RFTN2: variants seen among roughly 807,000 people sequenced by gnomAD.
RFTN2 encodes raftlin-2.
Under a neutral mutation model 52.7 loss-of-function variants are expected in RFTN2, and 34 were observed. That is an observed-to-expected ratio of 0.64 (90% confidence interval 0.49 to 0.86). The LOEUF is 0.86. RFTN2 is among the 40% of genes least tolerant of loss of function. The probability of loss-of-function intolerance (pLI) is 0.00; values close to 1 mark genes in which losing one functional copy is unlikely to be tolerated. For missense variants in RFTN2, 536 were observed against 600.1 expected (o/e 0.89, Z 1.12); for synonymous variants, 203 against 217.7 (o/e 0.93, Z 0.59).
chr2:197,648,197 A>C (rs1353799783), intron 1 of RFTN2, among the ~76,000 whole-genome samples: 2 of 152,178 alleles, frequency 1.3e-5, no homozygotes, highest in Non-Finnish European at 2.9e-5. Context: ...CTCCCCTTAC[A>C]TCAGTATCCA....
At position 197,568,377 on chromosome 2, in the gene RFTN2, C is replaced by T. The variant is rs2087267379; in HGVS notation, c.*3631G>A. On this transcript the variant is annotated 3_prime_UTR_variant, in exon 9 of 9. Transcript: ENST00000295049. The stretch of plus-strand genomic sequence containing the variant: ...TATGAACCTCATCAAAACTGAGGCT[C>T]ATCATTTTACAGTTTTGCCTAATTT... 1 of 152,188 alleles carries T rather than the reference C, an allele frequency of 6.6e-6. No homozygotes were observed. Among genetic ancestry groups the T allele is most frequent in the Non-Finnish European group, 1.5e-5 (1 of 68,036 alleles). The allele number at this position is 152,188 out of a possible 1,614,324, so 9.4% of individuals were successfully genotyped here.
chr2:197,592,127 A>T (rs914304370), intron 8 of RFTN2, among the ~76,000 whole-genome samples: 1 of 152,194 alleles, frequency 6.6e-6, no homozygotes, highest in South Asian at 2.1e-4. Context: ...TCTCAATAAC[A>T]GTACTGTTCT....
chr2:197,663,488 C>T (rs1425991782), intron 1 of RFTN2, among the ~76,000 whole-genome samples: 4 of 152,150 alleles, frequency 2.6e-5, no homozygotes, highest in African/African-American at 9.7e-5. Flanking sequence ...CTTTTCATTA[C>T]TGATTTAATC....
At chr2:197,587,752 A>G (rs1244200413) in intron 8 of RFTN2, among the ~76,000 whole-genome samples, 1 of 152,212 alleles carries the variant, frequency 6.6e-6, no homozygotes. Flanking sequence ...ATACATCTTC[A>G]GCAATCATAT....
intron 3 of RFTN2, among the ~76,000 whole-genome samples, chr2:197,634,215 T>C (rs950781391): frequency 3.3e-5 from 5 of 152,086 alleles, no homozygotes; most frequent in African/African-American, 2.4e-5. Flanking sequence ...GAACCAAATA[T>C]ACTTTAGAAA....
In RFTN2 at chr2:197,635,301, G is replaced by A. The variant is rs937755084; in HGVS notation, c.439-1304C>T. Among the ~76,000 whole-genome samples the A allele has an allele frequency of 2.1e-3, 326 of 152,242 alleles. 1 individual carries two copies. Among genetic ancestry groups the A allele is most frequent in the African/African-American group, 7.5e-3 (310 of 41,522 alleles). ...GGTATTTCTAGTTCTAGATCCCTGAGGAGTCACCACACTGACTTCCACAAC... is the reference window on the plus strand; with the variant it reads ...GGTATTTCTAGTTCTAGATCCCTGAAGAGTCACCACACTGACTTCCACAAC... On this transcript the variant is annotated intron_variant, in intron 3 of 8. Coordinates refer to ENST00000295049, the MANE Select transcript of RFTN2 (RefSeq NM_144629.3).
intron 2 of RFTN2, among the ~76,000 whole-genome samples, chr2:197,645,894 C>G (rs2088740900): frequency 6.6e-6 from 1 of 152,092 alleles, no homozygotes; most frequent in African/African-American, 2.4e-5. Context: ...GCTGTGGTGG[C>G]AGGAGCCTGT....
intron 4 of RFTN2, 87 bp downstream of exon 4, chr2:197,633,631 C>T (rs748910065): frequency 1.5e-4 from 146 of 997,942 alleles, no homozygotes; most frequent in Non-Finnish European, 2.2e-4. Context: ...TAGCAATTTA[C>T]TTTGACTCAT....
At chr2:197,587,139 T>C (rs1422845498) in intron 8 of RFTN2, among the ~76,000 whole-genome samples, 1 of 152,006 alleles carries the variant, frequency 6.6e-6, no homozygotes, top group Non-Finnish European at 1.5e-5. Flanking sequence ...ATATGACAAA[T>C]ACTCCTTCTA....
chr2:197,604,352 A>C (rs867170062), intron 7 of RFTN2, among the ~76,000 whole-genome samples: 29 of 152,238 alleles, frequency 1.9e-4, no homozygotes, highest in African/African-American at 6.8e-4. Context: ...TGGAGACAGC[A>C]AACCACCAGC....
chr2:197,590,882 G>A (rs184587926), intron 8 of RFTN2, among the ~76,000 whole-genome samples: 3 of 152,300 alleles, frequency 2.0e-5, no homozygotes, highest in Non-Finnish European at 4.4e-5. Context: ...ACCCAAAGAG[G>A]GAGCAGCAGC....
chr2:197,641,651 A>C (rs906100481), intron 3 of RFTN2, among the ~76,000 whole-genome samples: 1 of 152,220 alleles, frequency 6.6e-6, no homozygotes, highest in African/African-American at 2.4e-5. Context: ...AAATTCTGAG[A>C]AAAATACTTA....
intron 3 of RFTN2, among the ~76,000 whole-genome samples, chr2:197,636,953 T>C (rs2088577344): frequency 2.6e-5 from 4 of 152,300 alleles, no homozygotes; most frequent in Admixed American, 2.6e-4. Flanking sequence ...GCATGAAGTG[T>C]TGTTAAATTT....
chr2:197,605,464 C>G (rs1411033926), intron 7 of RFTN2, among the ~76,000 whole-genome samples: 1 of 152,156 alleles, frequency 6.6e-6, no homozygotes, highest in East Asian at 1.9e-4. Context: ...ATCCGCCCGC[C>G]TTGGCCTCCC....
chr2:197,659,206 T>C (rs1470569405), intron 1 of RFTN2, among the ~76,000 whole-genome samples: 4 of 152,110 alleles, frequency 2.6e-5, no homozygotes, highest in Non-Finnish European at 5.9e-5. Flanking sequence ...TTGAAATACT[T>C]ATGAAATATT....
At chr2:197,597,656 T>C (rs1014524262) in intron 7 of RFTN2, among the ~76,000 whole-genome samples, 3 of 152,064 alleles carry the variant, frequency 2.0e-5, no homozygotes, top group African/African-American at 7.2e-5. Context: ...GTAGCTGGGA[T>C]CACAGGCATG....
At position 197,569,516 on chromosome 2, in the gene RFTN2, T is replaced by C. The variant is rs1419518650; in HGVS notation, c.*2492A>G. The C allele has an allele frequency of 6.6e-6, 1 of 152,134 alleles. No individual in the cohort carries two copies. Among genetic ancestry groups the C allele is most frequent in the Non-Finnish European group, 1.5e-5 (1 of 68,024 alleles). The allele number at this position is 152,134 out of a possible 1,614,324, so 9.4% of individuals were successfully genotyped here. A position where few individuals can be genotyped will look rare whatever the true frequency, so the allele number is the denominator to read the frequency against. On this transcript the variant is annotated 3_prime_UTR_variant, in exon 9 of 9. Coordinates refer to ENST00000295049, the MANE Select transcript of RFTN2 (RefSeq NM_144629.3). ...TTGGAGCAAATGCTTCTAAAACAAG[T>C]TTTGAGGATATGACAGACTAGTAAG...
chr2:197,654,694 A>G (rs1430064259), intron 1 of RFTN2, among the ~76,000 whole-genome samples: 1 of 151,974 alleles, frequency 6.6e-6, no homozygotes, highest in Non-Finnish European at 1.5e-5. Context: ...ACAAAACTGG[A>G]TAAAATAACT....
intron 1 of RFTN2, among the ~76,000 whole-genome samples, chr2:197,675,002 G>T (rs1574761953): frequency 6.6e-6 from 1 of 152,022 alleles, no homozygotes; most frequent in South Asian, 2.1e-4. Context: ...TGTCACTAAG[G>T]CTATATAGCT....
Sources: allele counts gnomAD v4.1 joint callset (sites outside exome capture counted in the v4.1 genomes callset), GRCh38; gene constraint gnomAD v4.1.1; transcripts MANE v1.5; gene names NCBI Gene and HGNC (gene_info 2026-07-23, HGNC 2026-07-21).